ZNF334: variants seen among roughly 807,000 people sequenced by gnomAD.
ZNF334 encodes zinc finger protein 334.
ZNF334 carries 14 observed loss-of-function variants against 12.4 expected under a neutral mutation model. The observed-to-expected ratio is 1.13, with a 90% CI of 0.74 to 1.76. The LOEUF (loss-of-function observed/expected upper bound fraction) is 1.76, where lower values mean the gene tolerates loss of function less well. ZNF334 is among the 40% of genes most tolerant of loss of function. ZNF334 has a pLI of 0.00. For synonymous variants in ZNF334, 273 were observed against 269.6 expected (o/e 1.01, Z -0.12); for missense variants, 797 against 804.5 (o/e 0.99, Z 0.11).
downstream of ZNF334, among the ~76,000 whole-genome samples, chr20:46,498,855 C>A (rs765648433): frequency 3.3e-5 from 5 of 152,128 alleles, no homozygotes; most frequent in African/African-American, 7.2e-5. Context: ...AAGGGGAAAT[C>A]TGGACACAAA....
chr20:46,478,271 C>T, the ZNF334 span, among the ~76,000 whole-genome samples: 1 of 152,090 alleles, frequency 6.6e-6, no homozygotes, highest in Non-Finnish European at 1.5e-5. Context: ...ATTTTAGGGA[C>T]ACAAAAGACA....
chr20:46,463,223 G>A, the ZNF334 span, among the ~76,000 whole-genome samples: 1 of 152,104 alleles, frequency 6.6e-6, no homozygotes, highest in South Asian at 2.1e-4. Context: ...CTCCAGCCAG[G>A]GAGCCTGGGT....
At chr20:46,487,606 C>T in the ZNF334 span, among the ~76,000 whole-genome samples, 2 of 152,078 alleles carry the variant, frequency 1.3e-5, no homozygotes, top group East Asian at 1.9e-4. Context: ...TCTGTGGGTG[C>T]AAAAACACCT....
At chr20:46,483,577 C>T in the ZNF334 span, among the ~76,000 whole-genome samples, 3 of 152,164 alleles carry the variant, frequency 2.0e-5, no homozygotes, top group South Asian at 4.1e-4. Flanking sequence ...TGCTCTCCCC[C>T]TACTAAGGGA....
the ZNF334 span, chr20:46,484,611 CA>C: frequency 4.2e-5 from 7 of 167,448 alleles, no homozygotes; most frequent in African/African-American, 1.7e-4. Context: ...TGTTAGTTCA[CA>C]ACTGCCCATG....
the ZNF334 span, among the ~76,000 whole-genome samples, chr20:46,470,573 G>A: frequency 1.3e-5 from 2 of 152,166 alleles, no homozygotes; most frequent in Non-Finnish European, 2.9e-5. Flanking sequence ...GGTTGAGACA[G>A]GTCCAAAGAT....
At position 46,501,529 on chromosome 20, in the gene ZNF334, C is replaced by G. The variant is rs1179549205; in HGVS notation, c.1810G>C (p.Glu604Gln). 2.5e-6 allele frequency: 4 copies of G among 1,614,118 alleles called. No homozygotes were observed. The highest frequency in any genetic ancestry group is 8.5e-7 in the Non-Finnish European group (1 of 1,179,980). Residue 604 changes from glutamate (E) to glutamine (Q), a missense_variant, in exon 5 of 5, where the codon GAA (glutamate) becomes CAA (glutamine). Coordinates refer to ENST00000692313, the MANE Select transcript of ZNF334 (RefSeq NM_001353824.2). ...HTGEKPYECN[E>Q]CGKSFCHKSA... ...TTATGGCAGAAGGATTTCCCACATT[C>G]ATTACATTCATATGGTTTCTCCCCA...
At chr20:46,511,577 G>A (rs990524376) in intron 2 of ZNF334, among the ~76,000 whole-genome samples, 5 of 152,126 alleles carry the variant, frequency 3.3e-5, no homozygotes, top group Admixed American at 3.3e-4. Flanking sequence ...AAGTTATGGG[G>A]CATTATTTGA....
intron 2 of ZNF334, chr20:46,506,443 C>A: frequency 2.4e-6 from 1 of 417,888 alleles, no homozygotes; most frequent in Non-Finnish European, 4.2e-6. Flanking sequence ...CTGGGCAACA[C>A]GGCAAAACCC....
chr20:46,481,444 C>A, the ZNF334 span: 1 of 152,248 alleles, frequency 6.6e-6, no homozygotes, highest in East Asian at 1.9e-4. Context: ...ATTCATTCAA[C>A]AAACTACTCA....
the ZNF334 span, chr20:46,492,562 T>G: frequency 6.6e-6 from 1 of 152,668 alleles, no homozygotes; most frequent in African/African-American, 2.4e-5. Flanking sequence ...ACTTTGTATG[T>G]AATCAATGTG....
At chr20:46,463,972 T>C in the ZNF334 span, 57 of 604,642 alleles carry the variant, frequency 9.4e-5, no homozygotes, top group African/African-American at 8.3e-4. Flanking sequence ...CAGTTCATCG[T>C]CCCCATCTGC....
At chr20:46,479,003 CA>C in the ZNF334 span, among the ~76,000 whole-genome samples, 26 of 152,202 alleles carry the variant, frequency 1.7e-4, no homozygotes, top group African/African-American at 6.3e-4. Context: ...TGGCCACCCT[CA>C]GTCTCTGGCC....
At chr20:46,512,220 C>T (rs1432093847) in intron 1 of ZNF334, 80 bp from the exon 2 acceptor site, 16 of 1,061,486 alleles carry the variant, frequency 1.5e-5, no homozygotes, top group Non-Finnish European at 2.0e-5. Flanking sequence ...CAAAGCCACA[C>T]ACCCATTTAA....
the ZNF334 span, among the ~76,000 whole-genome samples, chr20:46,471,941 T>G: frequency 6.6e-6 from 1 of 152,220 alleles, no homozygotes; most frequent in Non-Finnish European, 1.5e-5. Flanking sequence ...AATGTTAACA[T>G]CAATTTCCAC....
Position 46,512,104 on chromosome 20 carries a change from TTC to T in ZNF334, c.-4_-3del, listed in dbSNP as rs2061673278. The T allele has an allele frequency of 6.2e-7, 1 of 1,613,808 alleles. No homozygotes were observed. Among genetic ancestry groups the T allele is most frequent in the South Asian group, 1.1e-5 (1 of 91,088 alleles). On this transcript the variant is annotated 5_prime_UTR_variant, in exon 2 of 5. Coordinates refer to ENST00000692313, the MANE Select transcript of ZNF334 (RefSeq NM_001353824.2). ...TACCTGAAATTTTTTCATTTTCATGTTCTCTTGAGAAAGGGCCAAGAGTGTTG... is the reference window on the plus strand; with the variant it reads ...TACCTGAAATTTTTTCATTTTCATGTTCTTGAGAAAGGGCCAAGAGTGTTG...
the ZNF334 span, among the ~76,000 whole-genome samples, chr20:46,481,852 C>G: frequency 6.6e-6 from 1 of 152,158 alleles, no homozygotes; most frequent in East Asian, 1.9e-4. Flanking sequence ...CAATCTCCCC[C>G]ACCCATTGCA....
intron 2 of ZNF334, among the ~76,000 whole-genome samples, chr20:46,508,118 A>G (rs1203524266): frequency 6.6e-6 from 1 of 152,220 alleles, no homozygotes. Context: ...TGCTTATGAC[A>G]AAAGAAAAAG....
In ZNF334 at chr20:46,505,356, T is replaced by C. The variant is rs562160434; in HGVS notation, c.22-616A>G. On this transcript the variant is annotated intron_variant, in intron 2 of 4. Transcript: ENST00000692313. ...AGTACGGCACATCAGTAAAACATTC[T>C]TGCATATACGCTAACGTACATTTAC... 2.6e-5 allele frequency: 4 copies of C among 152,576 alleles called. No individual in the cohort carries two copies. In the East Asian group the frequency reaches 7.7e-4, roughly 29 times the overall value. The allele number at this position is 152,576 out of a possible 1,614,324, so 9.5% of individuals were successfully genotyped here. A position where few individuals can be genotyped will look rare whatever the true frequency, so the allele number is the denominator to read the frequency against.
Sources: allele counts gnomAD v4.1 joint callset (sites outside exome capture counted in the v4.1 genomes callset), GRCh38; gene constraint gnomAD v4.1.1; transcripts MANE v1.5; gene names NCBI Gene and HGNC (gene_info 2026-07-23, HGNC 2026-07-21).